CADPS: variants seen among roughly 807,000 people sequenced by gnomAD.
CADPS encodes calcium dependent secretion activator.
CADPS carries 57 observed loss-of-function variants against 167.3 expected under a neutral mutation model. That is an observed-to-expected ratio of 0.34 (90% CI 0.28 to 0.42). CADPS has a LOEUF of 0.42. Among genes scored for constraint, CADPS ranks in the 20% least tolerant of loss-of-function variants. The pLI is 1.00. For missense variants in CADPS, 1,414 were observed against 1,738.1 expected, an observed-to-expected ratio of 0.81 and a Z score of 3.32; for synonymous variants, 676 against 635.3, an observed-to-expected ratio of 1.06 and a Z score of -0.96.
At chr3:62,427,465 T>C (rs569700243) in intron 28 of CADPS, among the ~76,000 whole-genome samples, 79 of 152,258 alleles carry the variant, frequency 5.2e-4, no homozygotes, top group African/African-American at 1.8e-3. Flanking sequence ...TTTCAATCTC[T>C]CTACACTATT....
In CADPS at chr3:62,455,110, T is replaced by C. The variant is rs1326468579; in HGVS notation, c.3637-9313A>G. 1.3e-5 allele frequency among the ~76,000 whole-genome samples: 2 copies of C among 150,784 alleles called. No individual in the cohort carries two copies. The highest frequency in any genetic ancestry group is 4.0e-4 in the East Asian group (2 of 5,056). On this transcript the variant is annotated intron_variant, in intron 26 of 29. Coordinates refer to ENST00000383710, the MANE Select transcript of CADPS (RefSeq NM_003716.4). The surrounding 1 kb of genome is among the most constrained non-coding windows in gnomAD (Gnocchi z 4.4). ...GCTCCGAGACTAGATCCAGGAAGTGTATGTTCTCATCTCCCCCCACCCCCC... is the reference window on the plus strand; with the variant it reads ...GCTCCGAGACTAGATCCAGGAAGTGCATGTTCTCATCTCCCCCCACCCCCC...
intron 3 of CADPS, among the ~76,000 whole-genome samples, chr3:62,730,160 G>A (rs1564410644): frequency 6.7e-6 from 1 of 149,414 alleles, no homozygotes; most frequent in Admixed American, 6.6e-5. Flanking sequence ...TGAGATGATG[G>A]GGTTGTTGCT....
intron 28 of CADPS, among the ~76,000 whole-genome samples, chr3:62,409,266 G>C (rs1349878862): frequency 6.6e-6 from 1 of 152,232 alleles, no homozygotes; most frequent in Non-Finnish European, 1.5e-5. Context: ...GTACTTTATA[G>C]AAGTAATGGA....
intron 6 of CADPS, among the ~76,000 whole-genome samples, chr3:62,594,165 A>AT (rs1268819413): frequency 6.9e-5 from 7 of 102,022 alleles, no homozygotes; most frequent in Non-Finnish European, 1.5e-4. Flanking sequence ...TTTTTTATTT[A>AT]TTTATTTATT....
In CADPS at chr3:62,836,676, T is replaced by C. The variant is rs1488594196; in HGVS notation, c.441+37913A>G. ...TGGAAGCTAAGCTGGAGAAGGTAGA[T>C]ACAGGTTATTTTTAAAGTACACTGT... On this transcript the variant is annotated intron_variant, in intron 1 of 29. Transcript: ENST00000383710. Among the ~76,000 whole-genome samples, 12 of 152,298 alleles carry C rather than the reference T, an allele frequency of 7.9e-5. No homozygotes were observed. In the South Asian group the frequency reaches 2.3e-3, roughly 29 times the overall value.
chr3:62,809,578 G>A (rs561607372), intron 1 of CADPS, among the ~76,000 whole-genome samples: 1 of 152,252 alleles, frequency 6.6e-6, no homozygotes, highest in South Asian at 2.1e-4. Flanking sequence ...GTCTAAAGTA[G>A]CTCCCAGGAA....
At chr3:62,423,239 G>C (rs540319941) in intron 28 of CADPS, among the ~76,000 whole-genome samples, 5 of 152,342 alleles carry the variant, frequency 3.3e-5, no homozygotes, top group African/African-American at 1.2e-4. Flanking sequence ...CTTGAGTCCA[G>C]TGACAATGTC....
intron 11 of CADPS, among the ~76,000 whole-genome samples, chr3:62,547,586 G>GGCCCCCC (rs2076665969): frequency 3.2e-5 from 1 of 31,448 alleles, no homozygotes; most frequent in Non-Finnish European, 6.1e-5. Flanking sequence ...TATCATTTAC[G>GGCCCCCC]CCCCCCCCCC....
At chr3:62,617,038 A>T (rs1457761151) in intron 6 of CADPS, among the ~76,000 whole-genome samples, 1 of 152,190 alleles carries the variant, frequency 6.6e-6, no homozygotes, top group Admixed American at 6.5e-5. Flanking sequence ...ATAAACATTA[A>T]TTGATAATCT....
intron 11 of CADPS, among the ~76,000 whole-genome samples, chr3:62,547,178 T>C (rs1489037484): frequency 6.6e-6 from 1 of 152,174 alleles, no homozygotes; most frequent in African/African-American, 2.4e-5. Flanking sequence ...TGAAGCTCTG[T>C]TGCAGGGATA....
At chr3:62,836,685 T>C (rs1270783651) in intron 1 of CADPS, among the ~76,000 whole-genome samples, 1 of 152,166 alleles carries the variant, frequency 6.6e-6, no homozygotes, top group Non-Finnish European at 1.5e-5. Flanking sequence ...ATACAGGTTA[T>C]TTTTAAAGTA....
At chr3:62,740,792 C>T (rs545958091) in intron 3 of CADPS, among the ~76,000 whole-genome samples, 2 of 152,266 alleles carry the variant, frequency 1.3e-5, no homozygotes, top group East Asian at 1.9e-4. Flanking sequence ...TCCTTACATA[C>T]CTTATTTCTA....
Position 62,536,584 on chromosome 3 carries a change from G to A in CADPS, c.1967-3C>T. On this transcript the variant is annotated splice_polypyrimidine_tract_variant and splice_region_variant and intron_variant, in intron 11 of 29. Coordinates refer to ENST00000383710, the MANE Select transcript of CADPS (RefSeq NM_003716.4). ...ATGTTTTTGAGCTCTATCTGCGTCT[G>A]TTCATTTATACATGTAGAGAGAGAC... 1 of 1,612,388 alleles carries A rather than the reference G, an allele frequency of 6.2e-7. No individual in the cohort carries two copies.
chr3:62,720,487 C>T lies in CADPS; in HGVS notation c.888+32954G>A, dbSNP rs150026777. 1.9e-3 allele frequency among the ~76,000 whole-genome samples: 292 copies of T among 152,086 alleles called. 1 individual carries two copies. Among genetic ancestry groups the T allele is most frequent in the African/African-American group, 6.7e-3 (278 of 41,466 alleles). ...GCTAGGACTACAGACATGCATGTAC[C>T]ACACTCAGCTAATTTTTAGAAAATT... On this transcript the variant is annotated intron_variant, in intron 3 of 29. Coordinates refer to ENST00000383710, the MANE Select transcript of CADPS (RefSeq NM_003716.4).
At position 62,654,290 on chromosome 3, in the gene CADPS, C is replaced by T. The variant is rs557101859; in HGVS notation, c.970-3210G>A. Among the ~76,000 whole-genome samples, 32 of 152,098 alleles carry T rather than the reference C, an allele frequency of 2.1e-4. 1 individual carries two copies. Among genetic ancestry groups the T allele is most frequent in the Admixed American group, 1.7e-3 (26 of 15,258 alleles). ...TAAACTGTCTTCCTTGAGCTTACAG[C>T]TACTGGGGAGAAAGATCTATAACAG... is the stretch of plus-strand genomic sequence containing the variant. On this transcript the variant is annotated intron_variant, in intron 4 of 29. Transcript: ENST00000383710.
At chr3:62,492,467 A>G (rs761440452) in intron 19 of CADPS, 21 bp from the exon 20 acceptor site, 4 of 1,609,716 alleles carry the variant, frequency 2.5e-6, no homozygotes. Flanking sequence ...TGGCAGAAAA[A>G]CAATAGACAA....
At chr3:62,580,032 C>T (rs1199625584) in intron 8 of CADPS, among the ~76,000 whole-genome samples, 1 of 152,122 alleles carries the variant, frequency 6.6e-6, no homozygotes, top group Non-Finnish European at 1.5e-5. Flanking sequence ...TGGCTCATGC[C>T]TGTAATCCCA....
intron 3 of CADPS, among the ~76,000 whole-genome samples, chr3:62,705,432 T>G (rs1429956202): frequency 2.0e-5 from 3 of 152,074 alleles, no homozygotes; most frequent in Non-Finnish European, 2.9e-5. Context: ...AGTGTCAACT[T>G]GATTGGACTG....
In CADPS at chr3:62,817,190, T is replaced by C. The variant is rs115606773; in HGVS notation, c.442-51206A>G. On this transcript the variant is annotated intron_variant, in intron 1 of 29. Coordinates refer to ENST00000383710, the MANE Select transcript of CADPS (RefSeq NM_003716.4). ...CTTTGTAAACATCACGATAACAGAA[T>C]ATTTGATAGACACTGCACCATTTGT... Among the ~76,000 whole-genome samples, 1,147 of 150,500 alleles carry C rather than the reference T, an allele frequency of 7.6e-3. 16 individuals carry two copies. The highest frequency in any genetic ancestry group is 0.026 in the African/African-American group (1,061 of 40,736).
Sources: gnomAD v4.1 joint callset for allele counts (sites outside exome capture counted in the v4.1 genomes callset) on GRCh38, gnomAD v4.1.1 for gene constraint, Gnocchi (gnomAD v3.1) non-coding constraint, MANE v1.5 for transcripts, NCBI Gene and HGNC (gene_info 2026-07-23, HGNC 2026-07-21) for gene names.